The following GNB1 variants were observed in gnomAD, a reference collection of about 807,000 sequenced individuals.
GNB1 encodes the protein guanine nucleotide-binding protein G(I)/G(S)/G(T) subunit beta-1.
GNB1 carries 2 observed loss-of-function variants against 42.9 expected under a neutral mutation model. The observed-to-expected ratio is 0.05, with a 90% CI of 0.02 to 0.15. The LOEUF (loss-of-function observed/expected upper bound fraction) is 0.15. GNB1 is among the 10% of genes least tolerant of loss of function. The pLI is 1.00. For missense variants in GNB1, 193 were observed against 462.2 expected (o/e 0.42, Z 5.34); for synonymous variants, 183 against 174.7 (o/e 1.05, Z -0.38).
intron 7 of GNB1, among the ~76,000 whole-genome samples, chr1:1,801,053 G>C (rs1196480797): frequency 6.6e-6 from 1 of 152,208 alleles, no homozygotes; most frequent in African/African-American, 2.4e-5. Flanking sequence ...TCTTTGAGAC[G>C]GAGTCTCACT....
At chr1:1,878,706 G>C (rs1330516546) in intron 1 of GNB1, among the ~76,000 whole-genome samples, 1 of 152,102 alleles carries the variant, frequency 6.6e-6, no homozygotes, top group African/African-American at 2.4e-5. Flanking sequence ...GCACATCTTT[G>C]GCCCTGAATA....
At chr1:1,879,100 C>A (rs1649700840) in intron 1 of GNB1, among the ~76,000 whole-genome samples, 1 of 152,188 alleles carries the variant, frequency 6.6e-6, no homozygotes, top group Non-Finnish European at 1.5e-5. Flanking sequence ...GTTCTCCTCC[C>A]CAGGAAAAGG....
At chr1:1,797,714 G>C (rs1366242249) in intron 7 of GNB1, among the ~76,000 whole-genome samples, 1 of 152,196 alleles carries the variant, frequency 6.6e-6, no homozygotes, top group Non-Finnish European at 1.5e-5. Flanking sequence ...TGGGATTATA[G>C]GCATGAGCCA....
chr1:1,844,111 C>T (rs1017217418), intron 1 of GNB1, among the ~76,000 whole-genome samples: 1 of 151,646 alleles, frequency 6.6e-6, no homozygotes, highest in Non-Finnish European at 1.5e-5. Flanking sequence ...AGGAGAATGG[C>T]GTGACCTCGG....
chr1:1,803,243 G>C (rs996148149), intron 7 of GNB1, among the ~76,000 whole-genome samples: 8 of 152,222 alleles, frequency 5.3e-5, no homozygotes, highest in Non-Finnish European at 1.2e-4. Flanking sequence ...AGTGTCACAA[G>C]TAAATAAAAT....
intron 2 of GNB1, among the ~76,000 whole-genome samples, chr1:1,834,010 T>A (rs1212245143): frequency 1.3e-5 from 2 of 152,132 alleles, no homozygotes; most frequent in Non-Finnish European, 2.9e-5. Context: ...TCGGTTAGTC[T>A]GTCTTTAACA....
intron 8 of GNB1, among the ~76,000 whole-genome samples, chr1:1,792,467 G>C (rs1018722268): frequency 6.6e-6 from 1 of 152,068 alleles, no homozygotes; most frequent in Non-Finnish European, 1.5e-5. Flanking sequence ...AGAGGCTGAC[G>C]CAGGCAGATC....
intron 1 of GNB1, among the ~76,000 whole-genome samples, chr1:1,890,079 GCGGGGCCGGGC>G (rs1557959684): frequency 6.6e-6 from 1 of 152,120 alleles, no homozygotes; most frequent in Non-Finnish European, 1.5e-5. Flanking sequence ...CCATTCATTC[GCGGGGCCGGGC>G]CGGGGTCCGC....
intron 1 of GNB1, among the ~76,000 whole-genome samples, chr1:1,863,421 T>C (rs1648737327): frequency 6.6e-6 from 1 of 152,196 alleles, no homozygotes; most frequent in African/African-American, 2.4e-5. Context: ...AGCACTGCCG[T>C]CCCTTGCCCA....
chr1:1,872,624 C>T (rs1307386270), intron 1 of GNB1, among the ~76,000 whole-genome samples: 1 of 152,182 alleles, frequency 6.6e-6, no homozygotes, highest in Non-Finnish European at 1.5e-5. Flanking sequence ...GCCCTCTCCA[C>T]CTGAAGCATA....
At chr1:1,870,792 G>A (rs1262908701) in intron 1 of GNB1, among the ~76,000 whole-genome samples, 3 of 152,076 alleles carry the variant, frequency 2.0e-5, no homozygotes, top group Admixed American at 6.6e-5. Context: ...AAATAAATTA[G>A]CTGGGCGTGG....
chr1:1,789,409 T>TG, intron 9 of GNB1, 140 bp from the exon 10 acceptor site: 1 of 622,284 alleles, frequency 1.6e-6, no homozygotes, highest in South Asian at 1.8e-5. Flanking sequence ...AACAGAGGGC[T>TG]GGGCCGGGTG....
At chr1:1,852,395 A>T (rs951712702) in intron 1 of GNB1, among the ~76,000 whole-genome samples, 8 of 151,642 alleles carry the variant, frequency 5.3e-5, no homozygotes, top group Non-Finnish European at 4.4e-5. Flanking sequence ...CGCCTGGCTA[A>T]TTTTTTTTGT....
chr1:1,817,901 T>C, intron 3 of GNB1, 26 bp from the exon 4 acceptor site: 1 of 1,584,432 alleles, frequency 6.3e-7, no homozygotes, highest in Admixed American at 1.7e-5. Context: ...AGTGAGAAAT[T>C]AGCAACCTTT....
intron 7 of GNB1, among the ~76,000 whole-genome samples, chr1:1,800,523 G>A (rs1372618088): frequency 6.6e-6 from 1 of 152,102 alleles, no homozygotes; most frequent in Non-Finnish European, 1.5e-5. Context: ...GGAAAGTGAT[G>A]AACAAACCCC....
intron 1 of GNB1, among the ~76,000 whole-genome samples, chr1:1,850,590 A>G (rs1204414474): frequency 6.6e-6 from 1 of 152,030 alleles, no homozygotes; most frequent in Non-Finnish European, 1.5e-5. Context: ...TAACATTTCA[A>G]TTTAACTTTT....
chr1:1,851,412 A>G (rs568951147), intron 1 of GNB1, among the ~76,000 whole-genome samples: 98 of 122,188 alleles, frequency 8.0e-4, no homozygotes, highest in African/African-American at 2.5e-3. Context: ...CTCCATCTCA[A>G]AGAAAAAAAA....
At chr1:1,883,548 T>C (rs974587798) in intron 1 of GNB1, among the ~76,000 whole-genome samples, 1 of 152,226 alleles carries the variant, frequency 6.6e-6, no homozygotes, top group Non-Finnish European at 1.5e-5. Context: ...TAGCTAATCC[T>C]TGCACTGAGC....
At chr1:1,852,113 TAA>T (rs779759794) in intron 1 of GNB1, among the ~76,000 whole-genome samples, 45 of 151,664 alleles carry the variant, frequency 3.0e-4, no homozygotes, top group Non-Finnish European at 6.6e-4. Flanking sequence ...GTTGAATATA[TAA>T]AAAGAGATGC....
Sources: allele counts gnomAD v4.1 joint callset (sites outside exome capture counted in the v4.1 genomes callset), GRCh38; gene constraint gnomAD v4.1.1; transcripts MANE v1.5; gene names NCBI Gene and HGNC (gene_info 2026-07-23, HGNC 2026-07-21).